Variants in CROCC2 observed in about 807,000 individuals in gnomAD.
CROCC2 encodes the protein ciliary rootlet coiled-coil, rootletin family member 2, also known as ciliary rootlet coiled-coil protein 2.
In CROCC2, 163 loss-of-function variants were observed where a neutral mutation model predicts 177.6. The observed-to-expected ratio is 0.92, with a 90% CI of 0.81 to 1.05. CROCC2 has a LOEUF of 1.05. Ranked by LOEUF, CROCC2 falls within the 50% of genes least tolerant of loss-of-function variation. The pLI, the probability that CROCC2 is intolerant of heterozygous loss-of-function variation, is 0.00. For synonymous variants in CROCC2, 904 were observed against 787.3 expected, an observed-to-expected ratio of 1.15 and a Z score of -2.48; for missense variants, 1,929 against 1,797.8, an observed-to-expected ratio of 1.07 and a Z score of -1.32.
chr2:240,916,902 G>C (rs768227062), intron 1 of CROCC2, among the ~76,000 whole-genome samples: 2 of 152,158 alleles, frequency 1.3e-5, no homozygotes, highest in East Asian at 3.9e-4. Flanking sequence ...CAAAATAAGG[G>C]GTTTAGAACA....
At chr2:240,911,535 C>T (rs13398384) in intron 1 of CROCC2, among the ~76,000 whole-genome samples, 34,751 of 151,878 alleles carry the variant, frequency 0.23, 4,079 homozygotes, top group African/African-American at 0.25. Context: ...TGACCTCAAG[C>T]GATGTGCGCG....
At position 240,923,425 on chromosome 2, in the gene CROCC2, G is replaced by A. The variant is rs118101233; in HGVS notation, c.488+780G>A. On this transcript the variant is annotated intron_variant, in intron 4 of 31. Transcript: ENST00000690015. The stretch of plus-strand genomic sequence containing the variant: ...GGGCTTATCAAGGGGGCCTCTGCCC[G>A]GCCCCCACCCTGCCTGTACTAACCC... Among the ~76,000 whole-genome samples, 1,768 of 148,432 alleles carry A rather than the reference G, an allele frequency of 0.012. 75 individuals carry two copies. In the East Asian group the frequency reaches 0.14, roughly 11 times the overall value.
chr2:240,932,500 G>A (rs538464694), intron 8 of CROCC2, 86 bp downstream of exon 8: 159 of 707,714 alleles, frequency 2.2e-4, no homozygotes, highest in African/African-American at 2.1e-3. Context: ...AGCCTGGTGC[G>A]GCAGTGGACG....
chr2:240,945,950 T>C, intron 14 of CROCC2, 110 bp from the exon 15 acceptor site: 1 of 821,804 alleles, frequency 1.2e-6, no homozygotes, highest in Non-Finnish European at 1.8e-6. Context: ...TCCATGCCAT[T>C]CTGCATAAAA....
chr2:240,949,463 C>T lies in CROCC2; in HGVS notation c.2483-70C>T. ...GTGCTTGCCCCCAAGACTGTCACTC[C>T]CTAGGAAGTCCCAAAGGGTTCAGGG... On this transcript the variant is annotated intron_variant, in intron 16 of 31. Transcript: ENST00000690015. This position sits in a 1 kb window ranked among gnomAD's most constrained non-coding sequence, Gnocchi z 4.5. 2 of 1,508,846 alleles carry T rather than the reference C, an allele frequency of 1.3e-6. 1 individual carries two copies. The highest frequency in any genetic ancestry group is 2.5e-5 in the South Asian group (2 of 79,736). The allele number at this position is 1,508,846 out of a possible 1,614,324, so 93.5% of individuals were successfully genotyped here.
intron 14 of CROCC2, among the ~76,000 whole-genome samples, chr2:240,942,789 A>G (rs1014373818): frequency 3.3e-5 from 5 of 152,104 alleles, no homozygotes; most frequent in Non-Finnish European, 5.9e-5. Flanking sequence ...GGGAAATCTC[A>G]GGTGTTTACC....
chr2:240,919,150 C>G (rs2059341643), intron 2 of CROCC2, among the ~76,000 whole-genome samples: 1 of 142,732 alleles, frequency 7.0e-6, no homozygotes, highest in Non-Finnish European at 1.5e-5. Flanking sequence ...GGGGACAGTC[C>G]TGGGCCTGCA....
intron 5 of CROCC2, among the ~76,000 whole-genome samples, chr2:240,927,375 A>G (rs1163139722): frequency 1.3e-5 from 2 of 152,082 alleles, no homozygotes; most frequent in Non-Finnish European, 2.9e-5. Flanking sequence ...GGGGCTCATC[A>G]TCCATCTCCC....
intron 15 of CROCC2, among the ~76,000 whole-genome samples, chr2:240,948,766 G>T (rs573300731): frequency 1.2e-4 from 19 of 152,274 alleles, no homozygotes; most frequent in Non-Finnish European, 2.1e-4. Flanking sequence ...GGCTTTTTGG[G>T]GGGACTCTTT....
At chr2:240,945,502 A>G (rs911795185) in intron 14 of CROCC2, among the ~76,000 whole-genome samples, 9 of 151,872 alleles carry the variant, frequency 5.9e-5, no homozygotes, top group African/African-American at 1.9e-4. Context: ...TGGCATCTCA[A>G]TTTTTCAGCC....
chr2:240,934,242 G>A, intron 11 of CROCC2, 89 bp from the exon 12 acceptor site: 2 of 1,423,674 alleles, frequency 1.4e-6, no homozygotes, highest in Non-Finnish European at 9.5e-7. Flanking sequence ...GGGCTTGGAG[G>A]GAGTTGCAGG....
chr2:240,950,787 C>T lies in CROCC2; in HGVS notation c.2829+277C>T, dbSNP rs368215064. ...CCCATCCATCCATCCATCTCTCCAT[C>T]CATCCCTCCATCTGTCCATTCATAC... On this transcript the variant is annotated intron_variant, in intron 18 of 31. Transcript: ENST00000690015. 3.2e-5 allele frequency: 14 copies of T among 433,984 alleles called. No individual in the cohort carries two copies. The East Asian group carries it at 3.3e-4, about 10-fold the overall frequency. 26.9% of individuals were successfully genotyped at this position (433,984 alleles called of 1,614,324 possible).
At position 240,963,642 on chromosome 2, in the gene CROCC2, G is replaced by A. The variant is rs934106628; in HGVS notation, c.3174G>A (p.Arg1058=). The change falls in exon 21 of 32, where the codon CGG becomes CGA. Residue 1058 remains arginine, a synonymous_variant. Transcript: ENST00000690015. ...RQELQGVEES[R]EGLHREAQEA... is the part of the protein sequence containing the mutation. ...AGCTGCAGGGCGTCGAGGAGAGCCG[G>A]GAGGGGCTGCACAGGGAGGCCCAGG... 8.4e-6 allele frequency: 13 copies of A among 1,549,874 alleles called. No homozygotes were observed. Among genetic ancestry groups the A allele is most frequent in the Non-Finnish European group, 9.6e-6 (11 of 1,146,766 alleles).
intron 18 of CROCC2, among the ~76,000 whole-genome samples, chr2:240,952,901 C>A (rs935376407): frequency 6.6e-6 from 1 of 152,096 alleles, no homozygotes; most frequent in Non-Finnish European, 1.5e-5. Flanking sequence ...AAGTTCAAAG[C>A]CCCTTGGGAG....
chr2:240,933,498 C>T (rs900805334), intron 10 of CROCC2, among the ~76,000 whole-genome samples, 156 bp downstream of exon 10: 2 of 152,144 alleles, frequency 1.3e-5, no homozygotes, highest in African/African-American at 2.4e-5. Flanking sequence ...ACCAGTTGAG[C>T]GTGGGCCAGG....
rs2059626485 is a variant in CROCC2, at chr2:240,960,762, G to C, written c.3087+1318G>C. On this transcript the variant is annotated intron_variant, in intron 20 of 31. Transcript: ENST00000690015. This position sits in a 1 kb window ranked among gnomAD's most constrained non-coding sequence, Gnocchi z 5.0. ...CTCAGCCCTCCCCAAGCACCCCCGA[G>C]AGGCAGGCTGAGAGAGGAAGAGAAC... 6.6e-6 allele frequency among the ~76,000 whole-genome samples: 1 copy of C among 152,162 alleles called. No homozygotes were observed. The highest frequency in any genetic ancestry group is 1.5e-5 in the Non-Finnish European group (1 of 68,010).
chr2:240,931,240 G>T, intron 7 of CROCC2, 112 bp downstream of exon 7: 2 of 605,032 alleles, frequency 3.3e-6, no homozygotes, highest in Non-Finnish European at 5.9e-6. Flanking sequence ...TCCAGGGCAG[G>T]TGGGGCCCTG....
chr2:240,906,979 G>T (rs1485705403), intron 1 of CROCC2, among the ~76,000 whole-genome samples: 2 of 79,660 alleles, frequency 2.5e-5, no homozygotes, highest in African/African-American at 7.3e-5. Flanking sequence ...GGTGGAGAGA[G>T]AGCCCGGGGC....
chr2:240,985,892 C>A (rs755136176), intron 28 of CROCC2: 28 of 452,944 alleles, frequency 6.2e-5, no homozygotes, highest in South Asian at 4.4e-4. Context: ...GCATGCAGGG[C>A]CCCCACCTGG....
Sources: gnomAD v4.1 joint callset for allele counts (sites outside exome capture counted in the v4.1 genomes callset) on GRCh38, gnomAD v4.1.1 for gene constraint, Gnocchi (gnomAD v3.1) non-coding constraint, MANE v1.5 for transcripts, NCBI Gene and HGNC (gene_info 2026-07-23, HGNC 2026-07-21) for gene names.